CLOCK: variants seen among roughly 807,000 people sequenced by gnomAD.
The protein encoded by CLOCK is circadian locomoter output cycles protein kaput.
Under a neutral mutation model 118.4 loss-of-function variants are expected in CLOCK, and 43 were observed. The ratio of observed to expected loss-of-function variants is 0.36; its 90% CI spans 0.28 to 0.47. The LOEUF (loss-of-function observed/expected upper bound fraction) is 0.47. CLOCK is among the 20% of genes least tolerant of loss of function. The probability of loss-of-function intolerance (pLI) is 1.00; values close to 1 mark genes in which losing one functional copy is unlikely to be tolerated. For synonymous variants in CLOCK, 326 were observed against 339.2 expected (o/e 0.96, Z 0.43); for missense variants, 846 against 999.9 (o/e 0.85, Z 2.08).
At chr4:55,540,161 C>T (rs1228999122) in intron 1 of CLOCK, among the ~76,000 whole-genome samples, 2 of 151,936 alleles carry the variant, frequency 1.3e-5, no homozygotes, top group African/African-American at 2.4e-5. Context: ...GCACCCGCCA[C>T]CATGCCCGGC....
At chr4:55,494,593 G>A (rs1431614115) in intron 2 of CLOCK, among the ~76,000 whole-genome samples, 1 of 151,940 alleles carries the variant, frequency 6.6e-6, no homozygotes, top group African/African-American at 2.4e-5. Context: ...GGGGGATGAG[G>A]GATAAAAGAC....
chr4:55,465,853 G>A (rs1414892346), intron 8 of CLOCK, among the ~76,000 whole-genome samples: 2 of 152,144 alleles, frequency 1.3e-5, no homozygotes, highest in Non-Finnish European at 2.9e-5. Flanking sequence ...TCAGGAGGCT[G>A]AGGCAGGAGA....
intron 2 of CLOCK, among the ~76,000 whole-genome samples, chr4:55,496,942 A>C (rs1478068614): frequency 6.6e-6 from 1 of 152,256 alleles, no homozygotes; most frequent in East Asian, 1.9e-4. Flanking sequence ...ATTGTCATTC[A>C]CATCAAGATT....
At chr4:55,450,682 T>C (rs1560423568) in intron 15 of CLOCK, among the ~76,000 whole-genome samples, 1 of 151,984 alleles carries the variant, frequency 6.6e-6, no homozygotes, top group Non-Finnish European at 1.5e-5. Context: ...GGCAGGAGAA[T>C]TCCCTGAACT....
In CLOCK at chr4:55,452,843, G is replaced by A. The variant is rs779475447; in HGVS notation, c.1206+211C>T. On this transcript the variant is annotated intron_variant, in intron 15 of 22. Transcript: ENST00000513440. ...CACTGGGAATAAATGGTAGTTTTGA[G>A]ATCAGACACATCTCTCATCCAATTT... 1.0e-4 allele frequency: 45 copies of A among 450,264 alleles called. No homozygotes were observed. In the Middle Eastern group the frequency reaches 1.9e-3, roughly 19 times the overall value. The allele number at this position is 450,264 out of a possible 1,614,324, so 27.9% of individuals were successfully genotyped here.
intron 1 of CLOCK, among the ~76,000 whole-genome samples, chr4:55,543,792 T>G (rs1259003577): frequency 6.6e-6 from 1 of 150,660 alleles, no homozygotes. Context: ...AAAAAAAAAA[T>G]TGAAATGTAA....
At chr4:55,462,091 G>A (rs1725381465) in intron 9 of CLOCK, among the ~76,000 whole-genome samples, 1 of 152,108 alleles carries the variant, frequency 6.6e-6, no homozygotes, top group African/African-American at 2.4e-5. Flanking sequence ...TGTTTAACTA[G>A]GAGATCAGCA....
At chr4:55,526,946 C>CAA (rs11460620) in intron 1 of CLOCK, among the ~76,000 whole-genome samples, 25,461 of 87,824 alleles carry the variant, frequency 0.29, 4,499 homozygotes, top group East Asian at 0.54. Flanking sequence ...GACTCCGTCT[C>CAA]AAAAAAAAAA....
chr4:55,447,493 A>G (rs902016800), intron 18 of CLOCK, among the ~76,000 whole-genome samples: 1 of 152,276 alleles, frequency 6.6e-6, no homozygotes, highest in African/African-American at 2.4e-5. Context: ...TCAAGTACAA[A>G]AGAAAATAGT....
In CLOCK at chr4:55,455,966, G is replaced by A. The variant is rs773152826; in HGVS notation, c.913C>T (p.Leu305=). ...TAGTAATCATAGCCTGATGTTCCCA[G>A]AACTTCAAATGGCAAATACCCTATT... is the stretch of plus-strand genomic sequence containing the variant. ...PIIGYLPFEV[L]GTSGYDYYHV... The change falls in exon 13 of 23, where the codon CTG becomes TTG. Residue 305 remains leucine, a synonymous_variant. Coordinates refer to ENST00000513440, the MANE Select transcript of CLOCK (RefSeq NM_004898.4). The A allele has an allele frequency of 3.1e-6, 5 of 1,613,108 alleles. No individual in the cohort carries two copies. The highest frequency in any genetic ancestry group is 2.2e-5 in the East Asian group (1 of 44,724).
intron 18 of CLOCK, among the ~76,000 whole-genome samples, chr4:55,447,851 CAAACA>C (rs1184894023): frequency 6.6e-6 from 1 of 152,016 alleles, no homozygotes; most frequent in Non-Finnish European, 1.5e-5. Flanking sequence ...TATTTAATGC[CAAACA>C]AAACAGAAAA....
chr4:55,503,800 C>G (rs893842426), intron 2 of CLOCK, among the ~76,000 whole-genome samples: 3 of 151,724 alleles, frequency 2.0e-5, no homozygotes, highest in Non-Finnish European at 4.4e-5. Flanking sequence ...TATGTGGATC[C>G]TTCCCATAAC....
At chr4:55,541,347 T>C (rs1329942647) in intron 1 of CLOCK, among the ~76,000 whole-genome samples, 1 of 152,226 alleles carries the variant, frequency 6.6e-6, no homozygotes, top group African/African-American at 2.4e-5. Context: ...CCATCTAGAA[T>C]TTTTGATCCA....
rs143922882 is a variant in CLOCK, at chr4:55,541,086, A to C, written c.-290+5696T>G. Among the ~76,000 whole-genome samples the C allele has an allele frequency of 6.2e-3, 944 of 152,350 alleles. 17 individuals are homozygous for C. The highest frequency in any genetic ancestry group is 0.021 in the African/African-American group (876 of 41,582). On this transcript the variant is annotated intron_variant, in intron 1 of 22. Coordinates refer to ENST00000513440, the MANE Select transcript of CLOCK (RefSeq NM_004898.4). The stretch of plus-strand genomic sequence containing the variant: ...AGAATTACATCTCTGTGAAATATCC[A>C]ACTAAAGTAATAACTCAGAGTTGAG...
rs928688831 is a variant in CLOCK at position 55,429,886 on chromosome 4, C to G, written c.*5529G>C. The G allele has an allele frequency of 6.6e-6, 1 of 152,218 alleles. No individual in the cohort carries two copies. The highest frequency in any genetic ancestry group is 1.5e-5 in the Non-Finnish European group (1 of 68,036). The allele number at this position is 152,218 out of a possible 1,614,324, so 9.4% of individuals were successfully genotyped here. A position where few individuals can be genotyped will look rare whatever the true frequency, so the allele number is the denominator to read the frequency against. ...GGGGCATCTGGAGTTGGCCCCTCCA[C>G]TGCCGTCCTGAAGTAAAGTAGATTC... On this transcript the variant is annotated 3_prime_UTR_variant, in exon 23 of 23. Transcript: ENST00000513440.
At chr4:55,489,643 A>T (rs1190424422) in intron 2 of CLOCK, among the ~76,000 whole-genome samples, 178 bp from the exon 3 acceptor site, 1 of 152,170 alleles carries the variant, frequency 6.6e-6, no homozygotes, top group East Asian at 1.9e-4. Flanking sequence ...AACATGAATA[A>T]ACTAAAACAA....
At chr4:55,519,676 G>C (rs1692839588) in intron 1 of CLOCK, among the ~76,000 whole-genome samples, 1 of 152,122 alleles carries the variant, frequency 6.6e-6, no homozygotes, top group South Asian at 2.1e-4. Context: ...TACTCAGGAA[G>C]CTGAGGCAGG....
intron 1 of CLOCK, among the ~76,000 whole-genome samples, chr4:55,513,898 G>T (rs1729320404): frequency 6.6e-6 from 1 of 151,958 alleles, no homozygotes; most frequent in Non-Finnish European, 1.5e-5. Flanking sequence ...ATGGTATTGT[G>T]TTTTTAATTT....
intron 2 of CLOCK, among the ~76,000 whole-genome samples, chr4:55,498,503 T>A (rs1235076474): frequency 6.6e-6 from 1 of 152,102 alleles, no homozygotes; most frequent in East Asian, 1.9e-4. Flanking sequence ...AACTAGAAGA[T>A]TTTGCAATAT....
Sources: allele counts gnomAD v4.1 joint callset (sites outside exome capture counted in the v4.1 genomes callset), GRCh38; gene constraint gnomAD v4.1.1; transcripts MANE v1.5; gene names NCBI Gene and HGNC (gene_info 2026-07-23, HGNC 2026-07-21).